The following CFAP58 variants were observed in gnomAD, a reference collection of about 807,000 sequenced individuals.
CFAP58 encodes the protein cilia and flagella associated protein 58, also known as cilia- and flagella-associated protein 58.
Under a neutral mutation model 119.5 loss-of-function variants are expected in CFAP58, and 88 were observed. The observed-to-expected ratio is 0.74, with a 90% CI of 0.62 to 0.88. The LOEUF is 0.88. CFAP58 is among the 40% of genes least tolerant of loss of function. The pLI is 0.00. For missense variants in CFAP58, 990 were observed against 1,021.2 expected (o/e 0.97, Z 0.42); for synonymous variants, 365 against 366.3 (o/e 1.00, Z 0.04).
intron 14 of CFAP58, among the ~76,000 whole-genome samples, chr10:104,405,047 A>G (rs767059726): frequency 1.3e-5 from 2 of 152,210 alleles, no homozygotes; most frequent in Non-Finnish European, 2.9e-5. Flanking sequence ...TCAGCCAGGT[A>G]GATTCTTGTT....
At chr10:104,408,992 C>T (rs929293365) in intron 15 of CFAP58, among the ~76,000 whole-genome samples, 3 of 152,012 alleles carry the variant, frequency 2.0e-5, no homozygotes, top group Non-Finnish European at 4.4e-5. Flanking sequence ...CCCCACTACT[C>T]AGGAGGCTGA....
intron 12 of CFAP58, among the ~76,000 whole-genome samples, chr10:104,400,424 T>C (rs1314546432): frequency 6.6e-6 from 1 of 152,116 alleles, no homozygotes; most frequent in Non-Finnish European, 1.5e-5. Flanking sequence ...TGGGATTACA[T>C]GCATGAGCCA....
intron 4 of CFAP58, 120 bp downstream of exon 4, chr10:104,365,009 T>C: frequency 3.5e-6 from 3 of 849,296 alleles, no homozygotes; most frequent in Non-Finnish European, 5.5e-6. Flanking sequence ...AAATGAAACA[T>C]CCTCAGTTCT....
At chr10:104,366,953 C>T (rs2014758955) in intron 5 of CFAP58, among the ~76,000 whole-genome samples, 1 of 152,016 alleles carries the variant, frequency 6.6e-6, no homozygotes, top group Non-Finnish European at 1.5e-5. Flanking sequence ...CTGCAACCTC[C>T]ACCTCCTGGG....
intron 14 of CFAP58, among the ~76,000 whole-genome samples, chr10:104,404,115 T>A: frequency 6.6e-6 from 1 of 152,230 alleles, no homozygotes; most frequent in Non-Finnish European, 1.5e-5. Context: ...TTTATTTTTC[T>A]GGCTTGGGTA....
At chr10:104,452,756 G>T (rs2013215192) in intron 17 of CFAP58, among the ~76,000 whole-genome samples, 1 of 152,144 alleles carries the variant, frequency 6.6e-6, no homozygotes, top group African/African-American at 2.4e-5. Context: ...AAGTTCAATT[G>T]GGCAGTCCTA....
At chr10:104,342,228 T>A in the CFAP58 span, among the ~76,000 whole-genome samples, 4 of 152,042 alleles carry the variant, frequency 2.6e-5, no homozygotes, top group African/African-American at 9.7e-5. Context: ...CATAGTATGA[T>A]GATTGCCTTT....
In CFAP58 at chr10:104,364,775, G is replaced by A. The variant is rs754819375; in HGVS notation, c.483G>A (p.Glu161=). Residue 161 remains glutamate (E), a synonymous_variant, in exon 4 of 18, where the codon GAG becomes GAA. Coordinates refer to ENST00000369704, the MANE Select transcript of CFAP58 (RefSeq NM_001008723.2). ...GGTTCAAAGAAGAAGTGACAAAGGA[G>A]AGAGACCAGCTCTTATCAGAAGTGG... ...LLRFKEEVTK[E]RDQLLSEVVK... 75 of 1,612,824 alleles carry A rather than the reference G, an allele frequency of 4.7e-5. No homozygotes were observed. In the South Asian group the frequency reaches 7.9e-4, roughly 17 times the overall value.
At chr10:104,453,813 A>G (rs1350871280) in intron 17 of CFAP58, among the ~76,000 whole-genome samples, 1 of 148,958 alleles carries the variant, frequency 6.7e-6, no homozygotes, top group Non-Finnish European at 1.5e-5. Flanking sequence ...AAGGACATCT[A>G]TATAGAAGTT....
At chr10:104,433,981 G>C (rs1465776093) in intron 15 of CFAP58, among the ~76,000 whole-genome samples, 1 of 152,142 alleles carries the variant, frequency 6.6e-6, no homozygotes, top group Non-Finnish European at 1.5e-5. Flanking sequence ...CAAATACTTT[G>C]CTTTGCAAAC....
At chr10:104,372,415 A>G (rs747388823) in intron 7 of CFAP58, among the ~76,000 whole-genome samples, 9 of 152,186 alleles carry the variant, frequency 5.9e-5, no homozygotes, top group Non-Finnish European at 8.8e-5. Context: ...GTCTTTGTAG[A>G]TATTTTTCCT....
intron 11 of CFAP58, among the ~76,000 whole-genome samples, chr10:104,398,228 C>T (rs151264704): frequency 3.5e-4 from 53 of 152,324 alleles, no homozygotes; most frequent in African/African-American, 1.2e-3. Flanking sequence ...TGTTGGTTAT[C>T]CATCATCTTC....
intron 15 of CFAP58, among the ~76,000 whole-genome samples, chr10:104,416,983 T>C (rs1156920673): frequency 6.6e-6 from 1 of 152,238 alleles, no homozygotes; most frequent in East Asian, 1.9e-4. Context: ...ACTCCAAGCA[T>C]GGACTCCAGT....
chr10:104,388,138 C>T (rs1174291309), intron 9 of CFAP58, among the ~76,000 whole-genome samples: 5 of 152,158 alleles, frequency 3.3e-5, no homozygotes, highest in Non-Finnish European at 5.9e-5. Context: ...ATCAAGGGAA[C>T]ACAAATTATA....
At position 104,450,122 on chromosome 10, in the gene CFAP58, T is replaced by C; in HGVS notation, c.2428T>C (p.Tyr810His). The change falls in exon 17 of 18, where the codon TAT becomes CAT. Residue 810 changes from tyrosine (Y) to histidine (H), a missense_variant. Tyr to His is a moderately conservative substitution (Grantham distance 83). Transcript: ENST00000369704. ...MYEVQSKEYK[Y>H]EVEKLTNELQ... Reference sequence around the variant, plus strand: ...TGAAGTACAGAGCAAAGAATATAAATATGAGGTAGAGAAACTTACCAATGA... The same window carrying C: ...TGAAGTACAGAGCAAAGAATATAAACATGAGGTAGAGAAACTTACCAATGA... The C allele has an allele frequency of 6.2e-7, 1 of 1,612,994 alleles. No homozygotes were observed. The highest frequency in any genetic ancestry group is 1.1e-5 in the South Asian group (1 of 90,894).
intron 8 of CFAP58, among the ~76,000 whole-genome samples, chr10:104,377,332 T>C (rs1037232440): frequency 6.6e-6 from 1 of 152,204 alleles, no homozygotes; most frequent in Non-Finnish European, 1.5e-5. Flanking sequence ...CTTTCCTCCA[T>C]CTTTTCAGGG....
chr10:104,406,946 C>G (rs755880202), intron 15 of CFAP58, among the ~76,000 whole-genome samples, 153 bp downstream of exon 15: 1 of 152,164 alleles, frequency 6.6e-6, no homozygotes, highest in Non-Finnish European at 1.5e-5. Context: ...CAAGCACAGC[C>G]TGATTAATTG....
chr10:104,389,839 A>T (rs1420264239), intron 9 of CFAP58, among the ~76,000 whole-genome samples: 1 of 152,202 alleles, frequency 6.6e-6, no homozygotes, highest in African/African-American at 2.4e-5. Context: ...AAACCTTGAG[A>T]TTAAAAAAGA....
At chr10:104,400,409 A>G (rs1423659359) in intron 12 of CFAP58, among the ~76,000 whole-genome samples, 2 of 152,178 alleles carry the variant, frequency 1.3e-5, no homozygotes, top group Non-Finnish European at 2.9e-5. Flanking sequence ...GGCCTCCCAA[A>G]GTGCTGGGAT....
Sources: allele counts gnomAD v4.1 joint callset (sites outside exome capture counted in the v4.1 genomes callset), GRCh38; gene constraint gnomAD v4.1.1; transcripts MANE v1.5; gene names NCBI Gene and HGNC (gene_info 2026-07-23, HGNC 2026-07-21).